Variants in PDE3A observed in about 807,000 individuals in gnomAD.
The protein encoded by PDE3A is cGMP-inhibited 3',5'-cyclic phosphodiesterase 3A.
PDE3A carries 43 observed loss-of-function variants against 98.3 expected under a neutral mutation model. The ratio of observed to expected loss-of-function variants is 0.44; its 90% CI spans 0.34 to 0.56. The LOEUF is 0.56. Ranked by LOEUF, PDE3A falls within the 20% of genes least tolerant of loss-of-function variation. PDE3A has a pLI of 0.01. For missense variants in PDE3A, 1,427 were observed against 1,440.7 expected (o/e 0.99, Z 0.15); for synonymous variants, 663 against 567.9 (o/e 1.17, Z -2.38).
At chr12:20,483,565 A>C (rs1945670665) in intron 1 of PDE3A, among the ~76,000 whole-genome samples, 1 of 152,186 alleles carries the variant, frequency 6.6e-6, no homozygotes, top group South Asian at 2.1e-4. Flanking sequence ...TTTTTAATAT[A>C]GAGAGATACT....
chr12:20,481,909 C>G (rs181109853), intron 1 of PDE3A, among the ~76,000 whole-genome samples: 1 of 151,362 alleles, frequency 6.6e-6, no homozygotes. Context: ...GGACTACAGG[C>G]GCCCGCCACC....
chr12:20,431,248 G>GA (rs1013642649), intron 1 of PDE3A, among the ~76,000 whole-genome samples: 5 of 151,436 alleles, frequency 3.3e-5, no homozygotes, highest in African/African-American at 9.7e-5. Flanking sequence ...GAACCAAAAA[G>GA]AAAAAAAAGG....
chr12:20,479,339 G>C (rs1186947553), intron 1 of PDE3A, among the ~76,000 whole-genome samples: 1 of 152,184 alleles, frequency 6.6e-6, no homozygotes, highest in Non-Finnish European at 1.5e-5. Flanking sequence ...CTCTCTTTTT[G>C]TGGGTATAAC....
At chr12:20,598,763 T>C (rs953763410) in intron 2 of PDE3A, among the ~76,000 whole-genome samples, 2 of 152,228 alleles carry the variant, frequency 1.3e-5, no homozygotes, top group Non-Finnish European at 2.9e-5. Flanking sequence ...GGAATAAATC[T>C]ATTTCATTTC....
chr12:20,535,474 C>T (rs369171005), intron 1 of PDE3A, among the ~76,000 whole-genome samples: 3 of 152,060 alleles, frequency 2.0e-5, no homozygotes, highest in East Asian at 1.9e-4. Flanking sequence ...GAGGATTCCA[C>T]GGAGTAAAAG....
chr12:20,510,466 AAGAG>A (rs1183456001), intron 1 of PDE3A, among the ~76,000 whole-genome samples: 5 of 152,124 alleles, frequency 3.3e-5, no homozygotes, highest in East Asian at 1.9e-4. Flanking sequence ...AAAATAGAAA[AAGAG>A]AGAAATAGCG....
At chr12:20,644,200 C>G (rs1944718012) in intron 10 of PDE3A, among the ~76,000 whole-genome samples, 1 of 152,176 alleles carries the variant, frequency 6.6e-6, no homozygotes, top group African/African-American at 2.4e-5. Flanking sequence ...TCATTACTAT[C>G]TTCTACCGAT....
intron 2 of PDE3A, among the ~76,000 whole-genome samples, chr12:20,595,663 A>C (rs1408521599): frequency 6.6e-6 from 1 of 152,170 alleles, no homozygotes; most frequent in Non-Finnish European, 1.5e-5. Flanking sequence ...TATTTGTTTG[A>C]AGTATTGAAA....
intron 1 of PDE3A, among the ~76,000 whole-genome samples, chr12:20,397,480 A>G (rs78726636): frequency 0.07 from 10,634 of 152,092 alleles, 492 homozygotes; most frequent in Admixed American, 0.1. Flanking sequence ...TTTGTTTCCT[A>G]TAACCCATAC....
chr12:20,416,432 GT>G (rs1944422671), intron 1 of PDE3A, among the ~76,000 whole-genome samples: 1 of 152,194 alleles, frequency 6.6e-6, no homozygotes, highest in African/African-American at 2.4e-5. Context: ...GTGTATGTGT[GT>G]GTGTCACTAA....
chr12:20,634,271 T>C (rs1944449446), intron 7 of PDE3A, among the ~76,000 whole-genome samples: 1 of 152,206 alleles, frequency 6.6e-6, no homozygotes, highest in South Asian at 2.1e-4. Context: ...TAAACTTCCT[T>C]CAGGCACCTT....
At chr12:20,651,967 G>T (rs1165143659) in intron 14 of PDE3A, among the ~76,000 whole-genome samples, 1 of 135,030 alleles carries the variant, frequency 7.4e-6, no homozygotes, top group Non-Finnish European at 1.5e-5. Flanking sequence ...CCCTTCCTCT[G>T]TCCATGTGTT....
Position 20,415,830 on chromosome 12 carries a change from T to C in PDE3A, c.960+45586T>C, listed in dbSNP as rs78711670. On this transcript the variant is annotated intron_variant, in intron 1 of 15. Coordinates refer to ENST00000359062, the MANE Select transcript of PDE3A (RefSeq NM_000921.5). ...AGTGTGAATGAAGCTCATGGGATAT[T>C]AGAATTGGAGACAGAAACAGAGAGG... is the stretch of plus-strand genomic sequence containing the variant. Among the ~76,000 whole-genome samples the C allele has an allele frequency of 6.0e-3, 910 of 152,302 alleles. 8 individuals are homozygous for C. Among genetic ancestry groups the C allele is most frequent in the African/African-American group, 0.019 (809 of 41,568 alleles).
At chr12:20,392,515 A>T (rs918257483) in intron 1 of PDE3A, among the ~76,000 whole-genome samples, 15 of 70,660 alleles carry the variant, frequency 2.1e-4, no homozygotes, top group African/African-American at 3.7e-5. Context: ...TCATAAATAA[A>T]TAAATAAATA....
At chr12:20,524,604 T>C (rs1161495836) in intron 1 of PDE3A, among the ~76,000 whole-genome samples, 1 of 152,036 alleles carries the variant, frequency 6.6e-6, no homozygotes, top group Non-Finnish European at 1.5e-5. Flanking sequence ...ATATAACATA[T>C]ATAGTATTAC....
intron 1 of PDE3A, among the ~76,000 whole-genome samples, chr12:20,487,532 A>G (rs1450049379): frequency 6.7e-6 from 1 of 149,702 alleles, no homozygotes; most frequent in Non-Finnish European, 1.5e-5. Flanking sequence ...AAAAAAAATT[A>G]ATTCCAGCTA....
At chr12:20,653,672 A>G (rs1452829528) in intron 14 of PDE3A, among the ~76,000 whole-genome samples, 2 of 152,162 alleles carry the variant, frequency 1.3e-5, no homozygotes, top group Non-Finnish European at 2.9e-5. Context: ...GTGCATTTAT[A>G]TTCTCATATA....
chr12:20,668,099 G>A (rs1475395952), intron 15 of PDE3A, among the ~76,000 whole-genome samples: 1 of 152,174 alleles, frequency 6.6e-6, no homozygotes, highest in East Asian at 1.9e-4. Flanking sequence ...ATGGCACCTG[G>A]AAAATCAGGT....
intron 10 of PDE3A, among the ~76,000 whole-genome samples, chr12:20,643,829 GT>G (rs1039260968): frequency 3.3e-5 from 5 of 151,402 alleles, no homozygotes; most frequent in East Asian, 1.9e-4. Flanking sequence ...TTGTTTTTTT[GT>G]TTTTTTAAAA....
Sources: allele counts gnomAD v4.1 joint callset (sites outside exome capture counted in the v4.1 genomes callset), GRCh38; gene constraint gnomAD v4.1.1; transcripts MANE v1.5; gene names NCBI Gene and HGNC (gene_info 2026-07-23, HGNC 2026-07-21).